Variants in SGMS1 observed in about 807,000 individuals in gnomAD.
SGMS1 encodes the protein phosphatidylcholine:ceramide cholinephosphotransferase 1.
SGMS1 carries 13 observed loss-of-function variants against 46.2 expected under a neutral mutation model. The ratio of observed to expected loss-of-function variants is 0.28; its 90% confidence interval spans 0.18 to 0.45. The LOEUF (loss-of-function observed/expected upper bound fraction) is 0.45. Among genes scored for constraint, SGMS1 ranks in the 20% least tolerant of loss-of-function variants. The pLI is 1.00. For missense variants in SGMS1, 324 were observed against 519.9 expected (o/e 0.62, Z 3.66); for synonymous variants, 203 against 187.8 (o/e 1.08, Z -0.66).
At chr10:50,317,141 T>A (rs1025811505) in intron 8 of SGMS1, among the ~76,000 whole-genome samples, 7 of 152,176 alleles carry the variant, frequency 4.6e-5, no homozygotes, top group Non-Finnish European at 8.8e-5. Context: ...AGTTATGAAA[T>A]GTCCTTTAGC....
At chr10:50,617,058 G>T (rs1188812706) in intron 1 of SGMS1, among the ~76,000 whole-genome samples, 1 of 152,078 alleles carries the variant, frequency 6.6e-6, no homozygotes, top group East Asian at 1.9e-4. Flanking sequence ...ACACTGCAAT[G>T]CTATAATAAA....
intron 6 of SGMS1, among the ~76,000 whole-genome samples, chr10:50,378,458 C>T (rs993731912): frequency 1.3e-5 from 2 of 152,172 alleles, no homozygotes; most frequent in Non-Finnish European, 2.9e-5. Context: ...TTCAGCAGAT[C>T]ATAAACAGAG....
chr10:50,527,751 A>T (rs1228866975), intron 2 of SGMS1, among the ~76,000 whole-genome samples: 1 of 152,214 alleles, frequency 6.6e-6, no homozygotes, highest in African/African-American at 2.4e-5. Context: ...ACCCAGACTG[A>T]AAGTCATCCA....
At chr10:50,346,393 TCTCAAATGATGA>T (rs1378934890) in intron 6 of SGMS1, among the ~76,000 whole-genome samples, 3 of 152,172 alleles carry the variant, frequency 2.0e-5, no homozygotes, top group Non-Finnish European at 4.4e-5. Flanking sequence ...TAATTTTTTT[TCTCAAATGATGA>T]CTGTTGCAAA....
At position 50,343,652 on chromosome 10, in the gene SGMS1, C is replaced by T; in HGVS notation, c.463G>A (p.Val155Ile). The change falls in exon 7 of 11, where the codon GTC (valine) becomes ATC (isoleucine). Residue 155 changes from valine (V) to isoleucine (I), a missense_variant. Physicochemically the swap from Val to Ile is conservative, Grantham distance 29. This residue lies in a region of SGMS1 where 174 missense variants were observed against 350.1 expected (regional missense o/e 0.50). Transcript: ENST00000361781. ...CFVLTTVMIS[V>I]VHERVPPKEV... ...TTAGGAGGTACTCGTTCGTGGACGA[C>T]CGAGATCATCACTGTGGTGAGAACG... is the stretch of plus-strand genomic sequence containing the variant. The T allele has an allele frequency of 6.2e-7, 1 of 1,614,140 alleles. No individual in the cohort carries two copies. Among genetic ancestry groups the T allele is most frequent in the South Asian group, 1.1e-5 (1 of 91,060 alleles).
intron 1 of SGMS1, among the ~76,000 whole-genome samples, chr10:50,612,587 CTT>C (rs1838760127): frequency 6.6e-6 from 1 of 152,152 alleles, no homozygotes; most frequent in Non-Finnish European, 1.5e-5. Flanking sequence ...TAAAATAAAA[CTT>C]TGTTTTTAAT....
At chr10:50,392,993 G>GT (rs34313644) in intron 6 of SGMS1, among the ~76,000 whole-genome samples, 44,245 of 147,492 alleles carry the variant, frequency 0.3, 6,772 homozygotes, top group Middle Eastern at 0.4. Flanking sequence ...CATCCAGAAA[G>GT]TTTTTTTTTT....
intron 6 of SGMS1, among the ~76,000 whole-genome samples, chr10:50,347,787 T>C (rs1180211544): frequency 9.2e-5 from 14 of 152,176 alleles, no homozygotes; most frequent in Admixed American, 7.9e-4. Flanking sequence ...GCCAAAGTGT[T>C]ATTTCAGTCC....
At chr10:50,529,879 C>A (rs1837937898) in intron 2 of SGMS1, among the ~76,000 whole-genome samples, 1 of 152,090 alleles carries the variant, frequency 6.6e-6, no homozygotes, top group African/African-American at 2.4e-5. Context: ...ACTGGAGGAC[C>A]CAGAGGAGGG....
intron 8 of SGMS1, among the ~76,000 whole-genome samples, chr10:50,325,361 C>G (rs963806008): frequency 1.3e-5 from 2 of 152,092 alleles, no homozygotes; most frequent in African/African-American, 4.8e-5. Context: ...TGAGTTTTAA[C>G]TAGTATTTTT....
chr10:50,616,004 T>G (rs1006426053), intron 1 of SGMS1, among the ~76,000 whole-genome samples: 1 of 152,256 alleles, frequency 6.6e-6, no homozygotes, highest in Non-Finnish European at 1.5e-5. Context: ...GGCTTGCAAA[T>G]GTAGTCTTAG....
intron 5 of SGMS1, among the ~76,000 whole-genome samples, chr10:50,439,974 T>C (rs1588826135): frequency 6.6e-6 from 1 of 152,276 alleles, no homozygotes; most frequent in South Asian, 2.1e-4. Flanking sequence ...GGAACCTATC[T>C]GGATACAAGC....
chr10:50,520,198 T>C (rs1837845369), intron 2 of SGMS1, among the ~76,000 whole-genome samples: 1 of 152,118 alleles, frequency 6.6e-6, no homozygotes, highest in Non-Finnish European at 1.5e-5. Context: ...GAGACCAGCC[T>C]GGGCAATATA....
At chr10:50,526,789 G>A (rs903886422) in intron 2 of SGMS1, among the ~76,000 whole-genome samples, 16 of 151,982 alleles carry the variant, frequency 1.1e-4, no homozygotes, top group African/African-American at 3.1e-4. Context: ...CTGGCTGGCC[G>A]GGCACGGTGG....
In SGMS1 at chr10:50,507,148, GC is replaced by G. The variant is rs571843475; in HGVS notation, c.-498+12682del. 1.8e-4 allele frequency among the ~76,000 whole-genome samples: 28 copies of G among 152,266 alleles called. No individual in the cohort carries two copies. The South Asian group carries it at 5.8e-3, about 32-fold the overall frequency. ...TGGCCAAAAGCTCTATCCCTGTCAGGCCATCCTTCTGACAGATCAAACCATT... is the reference window on the plus strand; with the variant it reads ...TGGCCAAAAGCTCTATCCCTGTCAGGCATCCTTCTGACAGATCAAACCATT... On this transcript the variant is annotated intron_variant, in intron 3 of 10. Transcript: ENST00000361781.
In SGMS1 at chr10:50,389,244, C is replaced by T. The variant is rs79168159; in HGVS notation, c.-232+44232G>A. On this transcript the variant is annotated intron_variant, in intron 6 of 10. Transcript: ENST00000361781. ...TCCCAAGGGGCTCTAATAAAAGGTG[C>T]AGTTTTTTATGTTTATAGTTTACCT... is the stretch of plus-strand genomic sequence containing the variant. 9.6e-3 allele frequency among the ~76,000 whole-genome samples: 1,457 copies of T among 152,276 alleles called. 27 individuals carry two copies. The highest frequency in any genetic ancestry group is 0.033 in the African/African-American group (1,389 of 41,552).
chr10:50,474,228 T>TTTC (rs1837401049), intron 3 of SGMS1: 1 of 152,228 alleles, frequency 6.6e-6, no homozygotes, highest in Non-Finnish European at 1.5e-5. Context: ...ACCACTGACA[T>TTTC]ATTTAGTAAG....
chr10:50,354,203 A>G (rs1258557685), intron 6 of SGMS1, among the ~76,000 whole-genome samples: 1 of 151,904 alleles, frequency 6.6e-6, no homozygotes, highest in Non-Finnish European at 1.5e-5. Flanking sequence ...CTACAAGGCT[A>G]CAGTAACCAA....
chr10:50,408,451 A>T (rs1354451996), intron 6 of SGMS1, among the ~76,000 whole-genome samples: 2 of 148,472 alleles, frequency 1.3e-5, no homozygotes, highest in East Asian at 3.9e-4. Context: ...AAAAAAAAAA[A>T]AAAACAAAAT....
Sources: allele counts gnomAD v4.1 joint callset (sites outside exome capture counted in the v4.1 genomes callset), GRCh38; gene constraint gnomAD v4.1.1; regional missense constraint gnomAD v4.1.1; transcripts MANE v1.5; gene names NCBI Gene and HGNC (gene_info 2026-07-23, HGNC 2026-07-21).